The following TRMU variants were observed in gnomAD, a reference collection of about 807,000 sequenced individuals.
TRMU encodes tRNA mitochondrial 2-thiouridylase.
In TRMU, 49 loss-of-function variants were observed where a neutral mutation model predicts 46.9. The observed-to-expected ratio is 1.05, with a 90% CI of 0.83 to 1.33. TRMU has a LOEUF of 1.33. TRMU is among the 40% of genes most tolerant of loss of function. The probability of loss-of-function intolerance (pLI) is 0.00; values close to 1 mark genes in which losing one functional copy is unlikely to be tolerated. For synonymous variants in TRMU, 241 were observed against 200.9 expected (o/e 1.20, Z -1.69); for missense variants, 572 against 532.4 (o/e 1.07, Z -0.73).
rs2147123072 is a variant in TRMU at position 46,356,837 on chromosome 22, T to G, written c.1102-5T>G. On this transcript the variant is annotated splice_region_variant and splice_polypyrimidine_tract_variant and intron_variant, in intron 10 of 10. Coordinates refer to ENST00000645190, the MANE Select transcript of TRMU (RefSeq NM_018006.5). ...ACCCCTGATGCCAGGGTCTCTCCCC[T>G]ACAGTTTGCTGTGTTCTACAAGGGG... The G allele has an allele frequency of 1.9e-6, 3 of 1,613,088 alleles. No individual in the cohort carries two copies. The highest frequency in any genetic ancestry group is 2.5e-6 in the Non-Finnish European group (3 of 1,179,812).
intron 9 of TRMU, 74 bp from the exon 10 acceptor site, chr22:46,355,916 C>T (rs2078590497): frequency 5.8e-6 from 9 of 1,557,188 alleles, no homozygotes; most frequent in African/African-American, 1.4e-5. Flanking sequence ...GGCTGGTGCT[C>T]CTTTCTCCCT....
Position 46,347,003 on chromosome 22 carries a change from G to A in TRMU, c.478+459G>A, listed in dbSNP as rs1331701181. On this transcript the variant is annotated intron_variant, in intron 4 of 10. Coordinates refer to ENST00000645190, the MANE Select transcript of TRMU (RefSeq NM_018006.5). The surrounding 1 kb of genome is among the most constrained non-coding windows in gnomAD (Gnocchi z 5.0). ...CGCATGGGCTCAGCAGTCAGGCTTT[G>A]TAGCCGTATTTACACGTTAGTTTAT... Among the ~76,000 whole-genome samples, 8 of 152,246 alleles carry A rather than the reference G, an allele frequency of 5.3e-5. No individual in the cohort carries two copies.
chr22:46,356,461 C>G, intron 10 of TRMU: 1 of 415,190 alleles, frequency 2.4e-6, no homozygotes, highest in Non-Finnish European at 4.5e-6. Context: ...TGAGGAATCT[C>G]CAGGGGCAGG....
At chr22:46,354,803 C>T (rs547700595) in intron 8 of TRMU, 1 of 155,332 alleles carries the variant, frequency 6.4e-6, no homozygotes, top group South Asian at 2.0e-4. Context: ...CCCTTAACTT[C>T]ATGCTCCTCG....
rs2078073627 is a variant in TRMU at position 46,339,795 on chromosome 22, A to G, written c.248+1851A>G. Among the ~76,000 whole-genome samples, 1 of 152,222 alleles carries G rather than the reference A, an allele frequency of 6.6e-6. No homozygotes were observed. On this transcript the variant is annotated intron_variant, in intron 2 of 10. Transcript: ENST00000645190. The surrounding 1 kb of genome is among the most constrained non-coding windows in gnomAD (Gnocchi z 4.8). ...ATGCTATAACATATGGGTGTCGTAT[A>G]TATTAACAACATGGACAAAACTGAT...
Position 46,355,993 on chromosome 22 carries a change from C to T in TRMU, c.1022C>T (p.Pro341Leu), listed in dbSNP as rs752533233. ...FRFRHQMALV[P>L]CVLTLNQDGT... ...AGGGCCCCTCTCTTCTACCCAGTGC[C>T]CTGTGTGCTGACCCTCAATCAAGAT... Residue 341 changes from proline (P) to leucine (L), a missense_variant, in exon 10 of 11, where the codon CCC (proline) becomes CTC (leucine). By Grantham distance (98) the Pro-to-Leu change is moderately conservative (BLOSUM62 -3). Coordinates refer to ENST00000645190, the MANE Select transcript of TRMU (RefSeq NM_018006.5). 3.7e-5 allele frequency: 59 copies of T among 1,613,836 alleles called. No individual in the cohort carries two copies. Among genetic ancestry groups the T allele is most frequent in the Admixed American group, 1.2e-4 (7 of 60,000 alleles).
intron 7 of TRMU, 28 bp from the exon 8 acceptor site, chr22:46,353,739 G>T (rs761616671): frequency 6.2e-6 from 10 of 1,608,848 alleles, no homozygotes; most frequent in Non-Finnish European, 8.5e-6. Flanking sequence ...TTGTTGCCCA[G>T]CCTCATGGAG....
chr22:46,352,339 C>T lies in TRMU; in HGVS notation c.772+9C>T. 4 of 1,613,898 alleles carry T rather than the reference C, an allele frequency of 2.5e-6. No homozygotes were observed. Among genetic ancestry groups the T allele is most frequent in the Non-Finnish European group, 3.4e-6 (4 of 1,179,960 alleles). On this transcript the variant is annotated intron_variant, in intron 7 of 10. Transcript: ENST00000645190. Reference sequence around the variant, plus strand: ...TCTGGGAACACATAAAGGTGAGGTGCAGACTCTGCCACTTGTCATCTGAAA... The same window carrying T: ...TCTGGGAACACATAAAGGTGAGGTGTAGACTCTGCCACTTGTCATCTGAAA...
In TRMU at chr22:46,355,710, T is replaced by TTAGG. The variant is rs376722978; in HGVS notation, c.1018+124_1018+125insGGTA. The TTAGG allele has an allele frequency of 2.0e-4, 300 of 1,505,704 alleles. No individual in the cohort carries two copies. The African/African-American group carries it at 3.6e-3, about 18-fold the overall frequency. The allele number at this position is 1,505,704 out of a possible 1,614,324, so 93.3% of individuals were successfully genotyped here. ...TCCCGTTGTGGAGATCATTTGGAGA[T>TTAGG]TACCTAAAGTATTTAGAACTCCCGT... is the stretch of plus-strand genomic sequence containing the variant. On this transcript the variant is annotated intron_variant, in intron 9 of 10. Transcript: ENST00000645190.
At chr22:46,353,595 A>C in intron 7 of TRMU, 172 bp from the exon 8 acceptor site, 1 of 610,766 alleles carries the variant, frequency 1.6e-6, no homozygotes, top group Non-Finnish European at 3.1e-6. Flanking sequence ...AGATGTGCTC[A>C]GGTGCTTGGT....
At position 46,336,092 on chromosome 22, in the gene TRMU, G is replaced by A. The variant is rs2147847833; in HGVS notation, c.82+246G>A. 2 of 1,371,680 alleles carry A rather than the reference G, an allele frequency of 1.5e-6. No homozygotes were observed. The highest frequency in any genetic ancestry group is 2.7e-4 in the Middle Eastern group (1 of 3,688). The allele number at this position is 1,371,680 out of a possible 1,614,324, so 85.0% of individuals were successfully genotyped here. A position where few individuals can be genotyped will look rare whatever the true frequency, so the allele number is the denominator to read the frequency against. ...CAGTTCCGCGCCCCTCTCCACCCAC[G>A]CGCGCCCACCCACAGTGAGAAGCCG... On this transcript the variant is annotated intron_variant, in intron 1 of 10. Transcript: ENST00000645190. The surrounding 1 kb of genome is among the most constrained non-coding windows in gnomAD (Gnocchi z 4.1).
At position 46,355,338 on chromosome 22, in the gene TRMU, T is replaced by C. The variant is rs571055266; in HGVS notation, c.874-106T>C. On this transcript the variant is annotated intron_variant, in intron 8 of 10. Coordinates refer to ENST00000645190, the MANE Select transcript of TRMU (RefSeq NM_018006.5). ...TTCGAGCGGTGCCAGCACCGTTACCTGTGTGTGTGTGTGCTGGTAGGACAG... is the reference window on the plus strand; with the variant it reads ...TTCGAGCGGTGCCAGCACCGTTACCCGTGTGTGTGTGTGCTGGTAGGACAG... The C allele has an allele frequency of 1.6e-5, 20 of 1,281,906 alleles. No individual in the cohort carries two copies. The East Asian group carries it at 4.6e-4, about 29-fold the overall frequency. 79.4% of individuals were successfully genotyped at this position (1,281,906 alleles called of 1,614,324 possible). A position where few individuals can be genotyped will look rare whatever the true frequency, so the allele number is the denominator to read the frequency against.
intron 8 of TRMU, chr22:46,354,130 A>C: frequency 2.4e-6 from 1 of 413,920 alleles, no homozygotes; most frequent in Non-Finnish European, 4.6e-6. Flanking sequence ...CTCCAATTTT[A>C]TGAAAGAGGA....
In TRMU at chr22:46,355,320, G is replaced by A. The variant is rs548684289; in HGVS notation, c.874-124G>A. The A allele has an allele frequency of 4.7e-5, 67 of 1,419,526 alleles. No homozygotes were observed. In the East Asian group the frequency reaches 1.0e-3, roughly 21 times the overall value. 87.9% of individuals were successfully genotyped at this position (1,419,526 alleles called of 1,614,324 possible). On this transcript the variant is annotated intron_variant, in intron 8 of 10. Coordinates refer to ENST00000645190, the MANE Select transcript of TRMU (RefSeq NM_018006.5). ...TTTCTGTGGGTAGAACACTTCGAGC[G>A]GTGCCAGCACCGTTACCTGTGTGTG...
In TRMU at chr22:46,351,655, G is replaced by A. The variant is rs1569080498; in HGVS notation, c.652-466G>A. On this transcript the variant is annotated intron_variant, in intron 5 of 10. Coordinates refer to ENST00000645190, the MANE Select transcript of TRMU (RefSeq NM_018006.5). The surrounding 1 kb of genome is among the most constrained non-coding windows in gnomAD (Gnocchi z 6.4). ...ATGCAGCCCCTGATGGGGCCACGGT[G>A]GAGAGCGCACGCCACCCAGGCTCCC... 3.5e-6 allele frequency: 1 copy of A among 281,870 alleles called. No homozygotes were observed. The highest frequency in any genetic ancestry group is 8.7e-5 in the East Asian group (1 of 11,526). The allele number at this position is 281,870 out of a possible 1,614,324, so 17.5% of individuals were successfully genotyped here.
chr22:46,355,163 G>A (rs1488071685), intron 8 of TRMU: 4 of 551,798 alleles, frequency 7.2e-6, no homozygotes, highest in Admixed American at 3.1e-5. Flanking sequence ...ACTTGAACCT[G>A]CAGCATTCAC....
intron 3 of TRMU, 49 bp downstream of exon 3, chr22:46,343,417 G>A (rs1203501672): frequency 1.0e-5 from 14 of 1,376,312 alleles, no homozygotes; most frequent in South Asian, 1.2e-5. Flanking sequence ...ACAGGGTCTC[G>A]CTCTGTCACC....
In TRMU at chr22:46,353,818, A is replaced by C. The variant is rs775702402; in HGVS notation, c.824A>C (p.Glu275Ala). 24 of 1,613,804 alleles carry C rather than the reference A, an allele frequency of 1.5e-5. No individual in the cohort carries two copies. Among genetic ancestry groups the C allele is most frequent in the Non-Finnish European group, 1.9e-5 (22 of 1,179,904 alleles). The change falls in exon 8 of 11, where the codon GAG becomes GCG. Residue 275 changes from glutamate (E) to alanine (A), a missense_variant. Glu to Ala is a moderately radical substitution (Grantham distance 107). Coordinates refer to ENST00000645190, the MANE Select transcript of TRMU (RefSeq NM_018006.5). ...AGAGCAAACATAGGTGGCCTGAGAG[A>C]GCCCTGGTACGTGGTGGAGAAGGAC... ...GQRANIGGLR[E>A]PWYVVEKDSV...
chr22:46,356,384 A>G (rs2078608718), intron 10 of TRMU: 2 of 460,642 alleles, frequency 4.3e-6, no homozygotes, highest in Non-Finnish European at 8.0e-6. Flanking sequence ...AAAGAGGCAG[A>G]GGGTCGGGGC....
Sources: allele counts gnomAD v4.1 joint callset (sites outside exome capture counted in the v4.1 genomes callset), GRCh38; gene constraint gnomAD v4.1.1; non-coding constraint Gnocchi (gnomAD v3.1); transcripts MANE v1.5; gene names NCBI Gene and HGNC (gene_info 2026-07-23, HGNC 2026-07-21).